Variants in CUX1 observed in about 807,000 individuals in gnomAD.
The protein encoded by CUX1 is protein CASP.
CUX1 carries 31 observed loss-of-function variants against 158.8 expected under a neutral mutation model. That is an observed-to-expected ratio of 0.20 (90% confidence interval 0.15 to 0.26). The LOEUF (loss-of-function observed/expected upper bound fraction) is 0.26. Among genes scored for constraint, CUX1 ranks in the 10% least tolerant of loss-of-function variants. The pLI is 1.00. For missense variants in CUX1, 1,589 were observed against 2,014.6 expected, an observed-to-expected ratio of 0.79 and a Z score of 4.04; for synonymous variants, 879 against 862.1, an observed-to-expected ratio of 1.02 and a Z score of -0.34.
At chr7:101,984,662 G>C (rs931140620) in intron 2 of CUX1, among the ~76,000 whole-genome samples, 3 of 152,128 alleles carry the variant, frequency 2.0e-5, no homozygotes, top group Non-Finnish European at 2.9e-5. Flanking sequence ...GGGCAGTCGG[G>C]AGGGAACATC....
intron 11 of CUX1, among the ~76,000 whole-genome samples, chr7:102,185,082 G>A (rs140265325): frequency 1.3e-3 from 191 of 152,274 alleles, no homozygotes; most frequent in Non-Finnish European, 2.2e-3. Flanking sequence ...ACAGAATAGC[G>A]GGGACCCTGG....
At chr7:101,996,111 CAA>C (rs765845088) in intron 2 of CUX1, among the ~76,000 whole-genome samples, 10 of 138,872 alleles carry the variant, frequency 7.2e-5, no homozygotes, top group African/African-American at 2.4e-4. Context: ...AAACTCCATC[CAA>C]AAAAAAAAAA....
intron 20 of CUX1, among the ~76,000 whole-genome samples, chr7:102,281,669 A>G (rs535332201): frequency 7.4e-4 from 112 of 152,146 alleles, no homozygotes; most frequent in Non-Finnish European, 1.1e-3. Context: ...TCTCAAAAAA[A>G]AAAGAATTCC....
intron 4 of CUX1, among the ~76,000 whole-genome samples, chr7:102,084,286 A>G (rs1554479689): frequency 6.7e-6 from 1 of 148,506 alleles, no homozygotes; most frequent in African/African-American, 2.4e-5. Context: ...AATAAAATAT[A>G]TAAATATATA....
At chr7:102,115,551 A>T (rs952970803) in intron 8 of CUX1, 1 of 332,920 alleles carries the variant, frequency 3.0e-6, no homozygotes, top group Non-Finnish European at 5.4e-6. Flanking sequence ...CACATGGGAC[A>T]TTTTTTGTGT....
intron 18 of CUX1, chr7:102,278,171 A>G (rs1554548200): frequency 1.4e-6 from 1 of 731,068 alleles, no homozygotes; most frequent in East Asian, 2.9e-5. Context: ...GCTGGGCAGC[A>G]CTGGGCCCCA....
At chr7:101,997,973 C>T (rs1816182768) in intron 2 of CUX1, among the ~76,000 whole-genome samples, 1 of 152,228 alleles carries the variant, frequency 6.6e-6, no homozygotes, top group South Asian at 2.1e-4. Context: ...TCCTGTGCCA[C>T]CAGAGAACGA....
intron 2 of CUX1, among the ~76,000 whole-genome samples, chr7:101,934,873 C>T (rs939718407): frequency 1.3e-5 from 2 of 152,046 alleles, no homozygotes; most frequent in East Asian, 3.9e-4. Flanking sequence ...TCTGTTCTGG[C>T]CAAAGTACAG....
At chr7:101,971,980 A>G (rs1812009141) in intron 2 of CUX1, among the ~76,000 whole-genome samples, 1 of 152,076 alleles carries the variant, frequency 6.6e-6, no homozygotes, top group South Asian at 2.1e-4. Context: ...TTATTTATTT[A>G]TTTTGAGACA....
intron 3 of CUX1, among the ~76,000 whole-genome samples, chr7:102,043,860 C>T (rs1421251674): frequency 3.3e-5 from 5 of 152,098 alleles, no homozygotes; most frequent in African/African-American, 9.7e-5. Flanking sequence ...CACTAGCACT[C>T]GTGTGTCTTT....
intron 2 of CUX1, among the ~76,000 whole-genome samples, chr7:101,995,094 C>T (rs1379434767): frequency 6.6e-6 from 1 of 152,032 alleles, no homozygotes; most frequent in Non-Finnish European, 1.5e-5. Context: ...GACCCTGTCT[C>T]AAAATTAAAA....
intron 12 of CUX1, among the ~76,000 whole-genome samples, chr7:102,191,320 G>A (rs1480991956): frequency 1.3e-5 from 2 of 152,070 alleles, no homozygotes; most frequent in African/African-American, 4.8e-5. Flanking sequence ...CGCAACCTCC[G>A]CCTCCCGAGT....
chr7:102,018,922 G>A (rs376968540), intron 2 of CUX1, among the ~76,000 whole-genome samples: 1 of 152,098 alleles, frequency 6.6e-6, no homozygotes, highest in East Asian at 1.9e-4. Context: ...CGAGGAAAAG[G>A]CAAGTAACAA....
intron 1 of CUX1, among the ~76,000 whole-genome samples, chr7:101,826,470 G>T (rs745311570): frequency 3.3e-5 from 5 of 152,056 alleles, no homozygotes; most frequent in Non-Finnish European, 7.4e-5. Context: ...CTAAAGTACT[G>T]GGATTATAGA....
rs117780482 is a variant in CUX1 at position 101,932,614 on chromosome 7, C to T, written c.141+16389C>T. On this transcript the variant is annotated intron_variant, in intron 2 of 23. Coordinates refer to ENST00000292535, the MANE Select transcript of CUX1 (RefSeq NM_181552.4). ...GATTTCGGCCTGGTTGATGTGTGCTCGGGGAAAGGTGATAGCTTCTGTTTC... is the reference window on the plus strand; with the variant it reads ...GATTTCGGCCTGGTTGATGTGTGCTTGGGGAAAGGTGATAGCTTCTGTTTC... The T allele has an allele frequency of 1.8e-3, 837 of 455,242 alleles. 13 individuals carry two copies. The East Asian group carries it at 0.036, about 20-fold the overall frequency. 28.2% of individuals were successfully genotyped at this position (455,242 alleles called of 1,614,324 possible).
intron 1 of CUX1, among the ~76,000 whole-genome samples, chr7:101,857,731 T>C: frequency 6.6e-6 from 1 of 151,810 alleles, no homozygotes. Context: ...TTTGCATAAT[T>C]GCAAGGAGCT....
chr7:102,026,560 C>CT (rs1820047024), intron 2 of CUX1, among the ~76,000 whole-genome samples: 1 of 152,078 alleles, frequency 6.6e-6, no homozygotes, highest in Admixed American at 6.6e-5. Flanking sequence ...TGGCTCATGC[C>CT]TGTAATCCCA....
At chr7:102,020,998 A>G (rs1020189889) in intron 2 of CUX1, among the ~76,000 whole-genome samples, 1 of 152,190 alleles carries the variant, frequency 6.6e-6, no homozygotes, top group Non-Finnish European at 1.5e-5. Flanking sequence ...CAACAGGCCA[A>G]GCCACAGGGC....
At chr7:102,172,138 T>C (rs1554510604) in intron 10 of CUX1, among the ~76,000 whole-genome samples, 1 of 152,082 alleles carries the variant, frequency 6.6e-6, no homozygotes, top group Non-Finnish European at 1.5e-5. Flanking sequence ...CAGGCTGGAG[T>C]GTAGTGGCGT....
Sources: allele counts gnomAD v4.1 joint callset (sites outside exome capture counted in the v4.1 genomes callset), GRCh38; gene constraint gnomAD v4.1.1; transcripts MANE v1.5; gene names NCBI Gene and HGNC (gene_info 2026-07-23, HGNC 2026-07-21).